Variants in TSPAN13 observed in about 807,000 individuals in gnomAD.
The protein encoded by TSPAN13 is tetraspanin-13.
A neutral mutation model predicts 26.9 loss-of-function variants in TSPAN13; 18 were observed. The observed-to-expected ratio is 0.67, with a 90% CI of 0.46 to 0.99. The LOEUF (loss-of-function observed/expected upper bound fraction) is 0.99, where lower values mean the gene tolerates loss of function less well. Among genes scored for constraint, TSPAN13 ranks in the 50% least tolerant of loss-of-function variants. The probability of loss-of-function intolerance (pLI) is 0.00; values close to 1 mark genes in which losing one functional copy is unlikely to be tolerated. For synonymous variants in TSPAN13, 116 were observed against 98.4 expected (o/e 1.18, Z -1.06); for missense variants, 201 against 249.6 (o/e 0.81, Z 1.31).
chr7:16,769,000 A>G (rs1007896189), intron 1 of TSPAN13, among the ~76,000 whole-genome samples: 1 of 151,786 alleles, frequency 6.6e-6, no homozygotes, highest in Non-Finnish European at 1.5e-5. Context: ...TGATTTTTGT[A>G]TTTCTAGTAG....
At chr7:16,768,799 A>G (rs1304373209) in intron 1 of TSPAN13, among the ~76,000 whole-genome samples, 2 of 152,202 alleles carry the variant, frequency 1.3e-5, no homozygotes, top group Admixed American at 6.5e-5. Context: ...CTCAAAGACT[A>G]TGCTGCTGGC....
chr7:16,783,738 G>T lies in TSPAN13; in HGVS notation c.*247G>T. 1 of 514,838 alleles carries T rather than the reference G, an allele frequency of 1.9e-6. No individual in the cohort carries two copies. The highest frequency in any genetic ancestry group is 3.5e-6 in the Non-Finnish European group (1 of 287,242). The allele number at this position is 514,838 out of a possible 1,614,324, so 31.9% of individuals were successfully genotyped here. Reference sequence around the variant, plus strand: ...TGGAATTTACTGTATTCATTGTCGGGCACTGTCCACTGTGGCCTTTCTTAG... The same window carrying T: ...TGGAATTTACTGTATTCATTGTCGGTCACTGTCCACTGTGGCCTTTCTTAG... On this transcript the variant is annotated 3_prime_UTR_variant, in exon 6 of 6. Transcript: ENST00000262067.
intron 1 of TSPAN13, among the ~76,000 whole-genome samples, chr7:16,768,200 C>T (rs373436920): frequency 1.3e-5 from 2 of 152,348 alleles, no homozygotes; most frequent in African/African-American, 4.8e-5. Context: ...AGGCGTGAGC[C>T]ACCGCACCTG....
rs1285671802 is a variant in TSPAN13 at position 16,777,908 on chromosome 7, G to T, written c.423G>T (p.Leu141=). Residue 141 remains leucine, a synonymous_variant, in exon 4 of 6, where the codon CTG becomes CTT. Coordinates refer to ENST00000262067, the MANE Select transcript of TSPAN13 (RefSeq NM_014399.4). ...GTGTTAACCCAAATGACACCTGTCT[G>T]GCTGTAAGTACATTGTATAATATAT... ...FRSVNPNDTC[L]ASCVKSDHSC... 8.7e-6 allele frequency: 14 copies of T among 1,608,432 alleles called. No homozygotes were observed. The highest frequency in any genetic ancestry group is 1.2e-5 in the Non-Finnish European group (14 of 1,175,730).
chr7:16,753,981 G>A lies in TSPAN13; in HGVS notation c.14G>A (p.Gly5Asp). 1 of 1,613,426 alleles carries A rather than the reference G, an allele frequency of 6.2e-7. No homozygotes were observed. Among genetic ancestry groups the A allele is most frequent in the Non-Finnish European group, 8.5e-7 (1 of 1,179,662 alleles). ...ACAGGTTCCAAGATGGTTTGCGGGGGCTTCGCGTGTTCCAAGAACTGCCTG... is the reference window on the plus strand; with the variant it reads ...ACAGGTTCCAAGATGGTTTGCGGGGACTTCGCGTGTTCCAAGAACTGCCTG... MVCG[G>D]FACSKNCLCA... The change falls in exon 1 of 6, where the codon GGC becomes GAC. Residue 5 changes from glycine to aspartate, a missense_variant. Coordinates refer to ENST00000262067, the MANE Select transcript of TSPAN13 (RefSeq NM_014399.4).
chr7:16,779,937 A>G (rs1458643889), intron 5 of TSPAN13, among the ~76,000 whole-genome samples: 1 of 151,628 alleles, frequency 6.6e-6, no homozygotes, highest in Admixed American at 6.6e-5. Context: ...ACGCCCAGCT[A>G]ATTTTTTGTA....
intron 1 of TSPAN13, among the ~76,000 whole-genome samples, chr7:16,754,640 G>A (rs1784462281): frequency 6.6e-6 from 1 of 152,114 alleles, no homozygotes; most frequent in Non-Finnish European, 1.5e-5. Flanking sequence ...CTAGTACTTG[G>A]TGCTTTTTCT....
chr7:16,761,063 T>C (rs1444439074), intron 1 of TSPAN13, among the ~76,000 whole-genome samples: 1 of 152,166 alleles, frequency 6.6e-6, no homozygotes, highest in African/African-American at 2.4e-5. Flanking sequence ...TGGAACTTTG[T>C]TGGCAGCTGT....
chr7:16,779,270 G>T (rs1008751062), intron 5 of TSPAN13, among the ~76,000 whole-genome samples, 154 bp downstream of exon 5: 2 of 152,164 alleles, frequency 1.3e-5, no homozygotes, highest in Non-Finnish European at 2.9e-5. Flanking sequence ...GATCTTACAA[G>T]TCTATTAATA....
intron 1 of TSPAN13, among the ~76,000 whole-genome samples, chr7:16,761,732 G>A (rs1234592518): frequency 9.3e-6 from 1 of 107,850 alleles, no homozygotes; most frequent in Non-Finnish European, 1.7e-5. Flanking sequence ...CAGGGGTCTT[G>A]CTGTGTTGCC....
chr7:16,783,701 C>G lies in TSPAN13; in HGVS notation c.*210C>G, dbSNP rs1562522639. ...TATTTGAAACTTGTGGTCTCTGAAGCTCGGTGGCACCTGGAATTTACTGTA... is the reference window on the plus strand; with the variant it reads ...TATTTGAAACTTGTGGTCTCTGAAGGTCGGTGGCACCTGGAATTTACTGTA... On this transcript the variant is annotated 3_prime_UTR_variant, in exon 6 of 6. Coordinates refer to ENST00000262067, the MANE Select transcript of TSPAN13 (RefSeq NM_014399.4). 1 of 565,156 alleles carries G rather than the reference C, an allele frequency of 1.8e-6. No homozygotes were observed. Among genetic ancestry groups the G allele is most frequent in the Non-Finnish European group, 3.1e-6 (1 of 321,500 alleles). The allele number at this position is 565,156 out of a possible 1,614,324, so 35.0% of individuals were successfully genotyped here.
At chr7:16,769,208 A>T (rs1055645135) in intron 1 of TSPAN13, among the ~76,000 whole-genome samples, 21 of 151,958 alleles carry the variant, frequency 1.4e-4, no homozygotes, top group Non-Finnish European at 2.2e-4. Context: ...ATTTTACTTT[A>T]AAAAAAAGAA....
chr7:16,783,712 C>A lies in TSPAN13; in HGVS notation c.*221C>A, dbSNP rs1204348907. 2 of 551,356 alleles carry A rather than the reference C, an allele frequency of 3.6e-6. No individual in the cohort carries two copies. The highest frequency in any genetic ancestry group is 3.8e-5 in the African/African-American group (2 of 53,206). The allele number at this position is 551,356 out of a possible 1,614,324, so 34.2% of individuals were successfully genotyped here. ...TGTGGTCTCTGAAGCTCGGTGGCAC[C>A]TGGAATTTACTGTATTCATTGTCGG... is the stretch of plus-strand genomic sequence containing the variant. On this transcript the variant is annotated 3_prime_UTR_variant, in exon 6 of 6. Coordinates refer to ENST00000262067, the MANE Select transcript of TSPAN13 (RefSeq NM_014399.4).
At chr7:16,762,723 A>G (rs1784557970) in intron 1 of TSPAN13, among the ~76,000 whole-genome samples, 1 of 152,164 alleles carries the variant, frequency 6.6e-6, no homozygotes. Flanking sequence ...GCATATTGTC[A>G]TGGGCCCAGT....
intron 5 of TSPAN13, 85 bp downstream of exon 5, chr7:16,779,201 T>A: frequency 1.0e-6 from 1 of 989,024 alleles, no homozygotes; most frequent in Non-Finnish European, 1.5e-6. Flanking sequence ...TTGTTATCAG[T>A]GAGCATTTTC....
intron 1 of TSPAN13, among the ~76,000 whole-genome samples, chr7:16,773,372 A>T (rs1784705072): frequency 6.7e-6 from 1 of 150,224 alleles, no homozygotes; most frequent in African/African-American, 2.4e-5. Flanking sequence ...ATATTTTGTG[A>T]TGCATTAAAA....
At chr7:16,754,887 T>C (rs1784465082) in intron 1 of TSPAN13, among the ~76,000 whole-genome samples, 1 of 152,166 alleles carries the variant, frequency 6.6e-6, no homozygotes, top group Non-Finnish European at 1.5e-5. Flanking sequence ...ACATACACAA[T>C]GCTCGTTCAT....
At chr7:16,766,897 C>T (rs1784609656) in intron 1 of TSPAN13, among the ~76,000 whole-genome samples, 1 of 152,184 alleles carries the variant, frequency 6.6e-6, no homozygotes, top group African/African-American at 2.4e-5. Context: ...CCTGTGAACT[C>T]ACTGGCTTTA....
At chr7:16,772,481 C>A (rs572689886) in intron 1 of TSPAN13, among the ~76,000 whole-genome samples, 1 of 152,150 alleles carries the variant, frequency 6.6e-6, no homozygotes, top group Non-Finnish European at 1.5e-5. Flanking sequence ...TCTGTTCTTG[C>A]GTCTTCCATT....
Sources: allele counts gnomAD v4.1 joint callset (sites outside exome capture counted in the v4.1 genomes callset), GRCh38; gene constraint gnomAD v4.1.1; transcripts MANE v1.5; gene names NCBI Gene and HGNC (gene_info 2026-07-23, HGNC 2026-07-21).